The following CADPS2 variants were observed in gnomAD, a reference collection of about 807,000 sequenced individuals.
The protein encoded by CADPS2 is calcium-dependent secretion activator 2.
CADPS2 carries 93 observed loss-of-function variants against 172.5 expected under a neutral mutation model. The ratio of observed to expected loss-of-function variants is 0.54; its 90% CI spans 0.46 to 0.64. The LOEUF (loss-of-function observed/expected upper bound fraction) is 0.64. CADPS2 is among the 30% of genes least tolerant of loss of function. The probability of loss-of-function intolerance (pLI) is 0.00; values close to 1 mark genes in which losing one functional copy is unlikely to be tolerated. For synonymous variants in CADPS2, 546 were observed against 555.2 expected (o/e 0.98, Z 0.23); for missense variants, 1,420 against 1,565.9 (o/e 0.91, Z 1.57).
intron 17 of CADPS2, among the ~76,000 whole-genome samples, chr7:122,422,410 T>G (rs1408639356): frequency 6.6e-6 from 1 of 152,172 alleles, no homozygotes; most frequent in Admixed American, 6.6e-5. Context: ...GCAAAACTTA[T>G]CTACCATTAG....
intron 17 of CADPS2, among the ~76,000 whole-genome samples, chr7:122,418,246 T>C (rs1157275527): frequency 6.6e-6 from 1 of 152,160 alleles, no homozygotes; most frequent in Non-Finnish European, 1.5e-5. Flanking sequence ...TCCCACGTGT[T>C]AGCACACACA....
Position 122,810,593 on chromosome 7 carries a change from G to A in CADPS2, c.340-73525C>T, listed in dbSNP as rs184570782. 3.1e-3 allele frequency among the ~76,000 whole-genome samples: 479 copies of A among 152,218 alleles called. 2 individuals carry two copies. Among genetic ancestry groups the A allele is most frequent in the African/African-American group, 0.011 (463 of 41,526 alleles). On this transcript the variant is annotated intron_variant, in intron 1 of 29. Transcript: ENST00000449022. ...GATTCCCAACAGGCTATGTAATAAT[G>A]TAATAATGTTTAAGAAAGCAATATA...
chr7:122,766,260 C>T (rs1051972593), intron 1 of CADPS2, among the ~76,000 whole-genome samples: 3 of 152,060 alleles, frequency 2.0e-5, no homozygotes, highest in Admixed American at 2.0e-4. Context: ...TACCACACAA[C>T]ACTGCAACTT....
At chr7:122,724,958 T>C (rs1479773786) in intron 2 of CADPS2, among the ~76,000 whole-genome samples, 2 of 152,014 alleles carry the variant, frequency 1.3e-5, no homozygotes, top group Admixed American at 1.3e-4. Flanking sequence ...GTTATAAAAT[T>C]ATTTTAAAAA....
intron 2 of CADPS2, among the ~76,000 whole-genome samples, chr7:122,708,875 C>T (rs1469607498): frequency 6.6e-6 from 1 of 151,698 alleles, no homozygotes; most frequent in Non-Finnish European, 1.5e-5. Flanking sequence ...AGTCTTTGCA[C>T]TAGGAGGCAG....
At chr7:122,615,419 G>A in intron 5 of CADPS2, 120 bp from the exon 6 acceptor site, 1 of 519,388 alleles carries the variant, frequency 1.9e-6, no homozygotes, top group Admixed American at 3.5e-5. Context: ...TTTGTTTTTT[G>A]TTAACATCAC....
intron 11 of CADPS2, 145 bp from the exon 12 acceptor site, chr7:122,481,005 A>C (rs567445761): frequency 3.0e-6 from 2 of 659,688 alleles, no homozygotes; most frequent in South Asian, 5.7e-5. Flanking sequence ...CCATCAGGAA[A>C]GAAAACAAAA....
intron 9 of CADPS2, among the ~76,000 whole-genome samples, chr7:122,507,876 G>T (rs1348363879): frequency 2.0e-5 from 3 of 151,974 alleles, no homozygotes; most frequent in Non-Finnish European, 2.9e-5. Context: ...TGCCATGAGG[G>T]TAAGGAAAAA....
intron 1 of CADPS2, among the ~76,000 whole-genome samples, chr7:122,835,492 A>G (rs970740966): frequency 6.6e-6 from 1 of 152,242 alleles, no homozygotes; most frequent in Non-Finnish European, 1.5e-5. Flanking sequence ...CTCTGAGCTA[A>G]AGGCAGAAGT....
intron 1 of CADPS2, among the ~76,000 whole-genome samples, chr7:122,760,688 T>C (rs1003201473): frequency 2.6e-5 from 4 of 151,458 alleles, no homozygotes; most frequent in Non-Finnish European, 4.4e-5. Flanking sequence ...TGGAAACCAT[T>C]ATTCTCAGCA....
chr7:122,531,744 G>A (rs2061773669), intron 8 of CADPS2, among the ~76,000 whole-genome samples: 1 of 152,028 alleles, frequency 6.6e-6, no homozygotes, highest in South Asian at 2.1e-4. Flanking sequence ...AAAAAATACT[G>A]TTAGCAGGCT....
chr7:122,820,283 C>T (rs1802758243), intron 1 of CADPS2, among the ~76,000 whole-genome samples: 1 of 152,126 alleles, frequency 6.6e-6, no homozygotes, highest in Non-Finnish European at 1.5e-5. Context: ...GCTGCACTGC[C>T]ACAAAGCTTC....
intron 2 of CADPS2, among the ~76,000 whole-genome samples, chr7:122,730,674 A>AC (rs2091553035): frequency 6.6e-6 from 1 of 151,744 alleles, no homozygotes; most frequent in South Asian, 2.1e-4. Flanking sequence ...AAACAGAAAC[A>AC]CCAAACTGTA....
chr7:122,846,376 G>T (rs1262501626), intron 1 of CADPS2, among the ~76,000 whole-genome samples: 1 of 152,130 alleles, frequency 6.6e-6, no homozygotes, highest in African/African-American at 2.4e-5. Context: ...TACAAATTTT[G>T]CAAGTTTTTA....
chr7:122,610,739 T>C (rs904360377), intron 6 of CADPS2, among the ~76,000 whole-genome samples: 25 of 152,120 alleles, frequency 1.6e-4, no homozygotes, highest in African/African-American at 4.8e-4. Context: ...AACCATGGCA[T>C]TGAGATTATT....
chr7:122,840,135 T>C (rs1271217829), intron 1 of CADPS2, among the ~76,000 whole-genome samples: 2 of 152,126 alleles, frequency 1.3e-5, no homozygotes, highest in African/African-American at 4.8e-5. Flanking sequence ...TGTAGGGACA[T>C]GGATGAAGCT....
chr7:122,687,559 G>A (rs1264589837), intron 2 of CADPS2, among the ~76,000 whole-genome samples: 1 of 152,214 alleles, frequency 6.6e-6, no homozygotes, highest in Non-Finnish European at 1.5e-5. Flanking sequence ...TCTCAAGAAT[G>A]AGGATACCAA....
chr7:122,366,466 A>G (rs1470729229), intron 25 of CADPS2, among the ~76,000 whole-genome samples: 1 of 149,810 alleles, frequency 6.7e-6, no homozygotes, highest in Non-Finnish European at 1.5e-5. Flanking sequence ...TTACCCGGCC[A>G]TGGTGGCGGG....
intron 11 of CADPS2, among the ~76,000 whole-genome samples, chr7:122,481,162 CTTTTTTTT>C (rs35352953): frequency 5.6e-5 from 6 of 107,544 alleles, no homozygotes; most frequent in Middle Eastern, 5.8e-3. Flanking sequence ...TTTCTTCATT[CTTTTTTTT>C]TTTTTTTTTT....
Sources: gnomAD v4.1 joint callset for allele counts (sites outside exome capture counted in the v4.1 genomes callset) on GRCh38, gnomAD v4.1.1 for gene constraint, MANE v1.5 for transcripts, NCBI Gene and HGNC (gene_info 2026-07-23, HGNC 2026-07-21) for gene names.